The following APBA2 variants were observed in gnomAD, a reference collection of about 807,000 sequenced individuals.
APBA2 encodes the protein amyloid-beta A4 precursor protein-binding family A member 2.
A neutral mutation model predicts 75.0 loss-of-function variants in APBA2; 30 were observed. That is an observed-to-expected ratio of 0.40 (90% CI 0.30 to 0.54). APBA2 has a LOEUF of 0.54. APBA2 is among the 20% of genes least tolerant of loss of function. The pLI, the probability that APBA2 is intolerant of heterozygous loss-of-function variation, is 0.49. For synonymous variants in APBA2, 444 were observed against 409.6 expected (o/e 1.08, Z -1.01); for missense variants, 801 against 1,016.1 (o/e 0.79, Z 2.88).
intron 3 of APBA2, among the ~76,000 whole-genome samples, chr15:28,998,957 GC>G (rs1361218526): frequency 6.6e-6 from 1 of 152,154 alleles, no homozygotes; most frequent in African/African-American, 2.4e-5. Flanking sequence ...GACGAGCCTG[GC>G]CAACATGGCA....
chr15:28,938,474 A>G (rs762285583), intron 2 of APBA2, among the ~76,000 whole-genome samples: 1 of 152,208 alleles, frequency 6.6e-6, no homozygotes, highest in Non-Finnish European at 1.5e-5. Flanking sequence ...TTATACACAT[A>G]TCATAGTTAT....
chr15:29,067,984 A>G (rs2152915519), intron 4 of APBA2, among the ~76,000 whole-genome samples: 1 of 152,322 alleles, frequency 6.6e-6, no homozygotes, highest in South Asian at 2.1e-4. Context: ...ACTGTAGAAA[A>G]TGCTCTCTGG....
At chr15:28,907,873 C>T (rs1368294239) in intron 1 of APBA2, among the ~76,000 whole-genome samples, 1 of 152,116 alleles carries the variant, frequency 6.6e-6, no homozygotes, top group Non-Finnish European at 1.5e-5. Flanking sequence ...TCTATTTGAA[C>T]CAACTTAAAG....
chr15:29,035,281 G>A (rs531581417), intron 3 of APBA2, among the ~76,000 whole-genome samples: 26 of 152,316 alleles, frequency 1.7e-4, no homozygotes, highest in African/African-American at 5.8e-4. Context: ...GATTGCAATC[G>A]TGGGGTCATT....
In APBA2 at chr15:28,991,129, C is replaced by T. The variant is rs1387180411; in HGVS notation, c.-94-4624C>T. ...GGGACTCAGTTATTCAGAATTTAAA[C>T]ATTTTACTTGTAAAGAGCACTTTGG... On this transcript the variant is annotated intron_variant, in intron 2 of 14. Transcript: ENST00000683413. This position sits in a 1 kb window ranked among gnomAD's most constrained non-coding sequence, Gnocchi z 4.7. Among the ~76,000 whole-genome samples the T allele has an allele frequency of 6.6e-6, 1 of 152,178 alleles. No homozygotes were observed. The highest frequency in any genetic ancestry group is 1.5e-5 in the Non-Finnish European group (1 of 68,028).
intron 2 of APBA2, among the ~76,000 whole-genome samples, chr15:28,960,808 G>A (rs1461238671): frequency 6.7e-6 from 1 of 149,772 alleles, no homozygotes; most frequent in African/African-American, 2.5e-5. Flanking sequence ...CACCCAGGCT[G>A]GAGTGCAGTG....
intron 3 of APBA2, among the ~76,000 whole-genome samples, chr15:29,027,313 C>T (rs1019981617): frequency 6.6e-6 from 1 of 151,980 alleles, no homozygotes; most frequent in African/African-American, 2.4e-5. Flanking sequence ...TTTAAAATAT[C>T]TTCTATAGCT....
intron 3 of APBA2, among the ~76,000 whole-genome samples, chr15:29,004,891 G>T (rs2039032726): frequency 6.6e-6 from 1 of 152,140 alleles, no homozygotes; most frequent in Non-Finnish European, 1.5e-5. Flanking sequence ...TGTTGGCCAG[G>T]CTGGTCTCAA....
In APBA2 at chr15:29,054,721, G is replaced by A. The variant is rs146386190; in HGVS notation, c.837G>A (p.Ala279=). 5.1e-4 allele frequency: 828 copies of A among 1,613,250 alleles called. 3 individuals carry two copies. The East Asian group carries it at 0.012, about 23-fold the overall frequency. ...GCTGCAGCCCCAGCAGGCACGAGGC[G>A]AGGCCCAAGTCGCTGAACCTCCTTC... ...KASCSPSRHE[A]RPKSLNLLPE... The change falls in exon 4 of 15, where the codon GCG becomes GCA. Residue 279 remains alanine (A), a synonymous_variant. Coordinates refer to ENST00000683413, the MANE Select transcript of APBA2 (RefSeq NM_001353788.2). The surrounding 1 kb of genome is among the most constrained non-coding windows in gnomAD (Gnocchi z 6.1).
At chr15:28,888,502 C>T (rs1235396538) in intron 1 of APBA2, among the ~76,000 whole-genome samples, 1 of 152,208 alleles carries the variant, frequency 6.6e-6, no homozygotes, top group African/African-American at 2.4e-5. Flanking sequence ...CTCCGGCGCT[C>T]CTGGCTGTCC....
chr15:28,927,313 C>T (rs1445498235), intron 2 of APBA2, among the ~76,000 whole-genome samples: 1 of 149,868 alleles, frequency 6.7e-6, no homozygotes, highest in Non-Finnish European at 1.5e-5. Flanking sequence ...ATATGGTGTG[C>T]CTAGGTGTAG....
At chr15:28,919,152 G>A (rs1320827046) in intron 1 of APBA2, among the ~76,000 whole-genome samples, 2 of 152,198 alleles carry the variant, frequency 1.3e-5, no homozygotes, top group South Asian at 2.1e-4. Flanking sequence ...GAGCCACTGC[G>A]CCCGGCCGGT....
At chr15:29,021,362 T>C (rs2039946082) in intron 3 of APBA2, among the ~76,000 whole-genome samples, 1 of 152,072 alleles carries the variant, frequency 6.6e-6, no homozygotes, top group African/African-American at 2.4e-5. Flanking sequence ...ACCCCGTCTC[T>C]ACTAAAAATA....
intron 1 of APBA2, among the ~76,000 whole-genome samples, chr15:28,898,686 A>G (rs1241705006): frequency 6.6e-6 from 1 of 152,290 alleles, no homozygotes; most frequent in South Asian, 2.1e-4. Context: ...TTCTGTATGT[A>G]TATATTTCAA....
intron 3 of APBA2, among the ~76,000 whole-genome samples, chr15:29,025,018 C>T (rs1259700357): frequency 6.6e-6 from 1 of 152,172 alleles, no homozygotes; most frequent in African/African-American, 2.4e-5. Flanking sequence ...AAATCCAACC[C>T]ACCAAAGCAT....
chr15:29,015,561 G>T (rs1386973823), intron 3 of APBA2, among the ~76,000 whole-genome samples: 1 of 152,212 alleles, frequency 6.6e-6, no homozygotes. Context: ...GGAGATCATT[G>T]TTAGTGGAGA....
intron 1 of APBA2, among the ~76,000 whole-genome samples, chr15:28,901,291 C>T (rs2032835805): frequency 6.6e-6 from 1 of 152,194 alleles, no homozygotes; most frequent in African/African-American, 2.4e-5. Flanking sequence ...GCCCCTACCC[C>T]CAGCCCCCAC....
chr15:28,924,574 T>A (rs1458470284), intron 2 of APBA2, among the ~76,000 whole-genome samples: 1 of 152,222 alleles, frequency 6.6e-6, no homozygotes, highest in Non-Finnish European at 1.5e-5. Context: ...GGATGACCCA[T>A]GTTGCAACAT....
At chr15:29,013,035 T>C (rs189942521) in intron 3 of APBA2, among the ~76,000 whole-genome samples, 1 of 152,096 alleles carries the variant, frequency 6.6e-6, no homozygotes, top group Non-Finnish European at 1.5e-5. Context: ...TCCACAGAGA[T>C]CATTTAAAAA....
Sources: gnomAD v4.1 joint callset for allele counts (sites outside exome capture counted in the v4.1 genomes callset) on GRCh38, gnomAD v4.1.1 for gene constraint, Gnocchi (gnomAD v3.1) non-coding constraint, MANE v1.5 for transcripts, NCBI Gene and HGNC (gene_info 2026-07-23, HGNC 2026-07-21) for gene names.